WDFY2: variants seen among roughly 807,000 people sequenced by gnomAD.
WDFY2 encodes the protein WD repeat and FYVE domain containing 2, also known as WD repeat and FYVE domain-containing protein 2.
Under a neutral mutation model 56.4 loss-of-function variants are expected in WDFY2, and 36 were observed. That is an observed-to-expected ratio of 0.64 (90% CI 0.49 to 0.84). The LOEUF (loss-of-function observed/expected upper bound fraction) is 0.84. WDFY2 is among the 40% of genes least tolerant of loss of function. The probability of loss-of-function intolerance (pLI) is 0.00; values close to 1 mark genes in which losing one functional copy is unlikely to be tolerated. For synonymous variants in WDFY2, 176 were observed against 183.7 expected, an observed-to-expected ratio of 0.96 and a Z score of 0.34; for missense variants, 444 against 512.2, an observed-to-expected ratio of 0.87 and a Z score of 1.29.
chr13:51,614,266 G>T (rs1260603833), intron 1 of WDFY2, among the ~76,000 whole-genome samples: 1 of 152,008 alleles, frequency 6.6e-6, no homozygotes, highest in African/African-American at 2.4e-5. Context: ...TTCTTCAAGG[G>T]ATTATCTCAA....
rs894750105 is a variant in WDFY2 at position 51,762,556 on chromosome 13, G to A, written c.*2787G>A. The A allele has an allele frequency of 4.6e-5, 7 of 152,206 alleles. No individual in the cohort carries two copies. The highest frequency in any genetic ancestry group is 1.7e-4 in the African/African-American group (7 of 41,440). The allele number at this position is 152,206 out of a possible 1,614,324, so 9.4% of individuals were successfully genotyped here. Reference sequence around the variant, plus strand: ...TGTGAATTCTTGCGTTTTGCATTAAGTGTCTCCCCCATTTTTGTAATTTGT... The same window carrying A: ...TGTGAATTCTTGCGTTTTGCATTAAATGTCTCCCCCATTTTTGTAATTTGT... On this transcript the variant is annotated 3_prime_UTR_variant, in exon 12 of 12. Transcript: ENST00000298125.
intron 3 of WDFY2, among the ~76,000 whole-genome samples, chr13:51,678,144 CCT>C (rs1197304724): frequency 1.3e-5 from 2 of 152,076 alleles, no homozygotes; most frequent in African/African-American, 4.8e-5. Flanking sequence ...ATTCCTGAGC[CCT>C]ACCAATTGAA....
chr13:51,673,009 C>G (rs372911462), intron 2 of WDFY2, among the ~76,000 whole-genome samples: 1 of 152,204 alleles, frequency 6.6e-6, no homozygotes, highest in South Asian at 2.1e-4. Context: ...GTGAAATTGT[C>G]TTACAGTTCC....
At chr13:51,686,380 A>T (rs1405380907) in intron 3 of WDFY2, among the ~76,000 whole-genome samples, 1 of 152,166 alleles carries the variant, frequency 6.6e-6, no homozygotes, top group African/African-American at 2.4e-5. Context: ...GGCAGAAATT[A>T]TATTCATTTC....
chr13:51,734,527 A>C (rs181933451), intron 6 of WDFY2, among the ~76,000 whole-genome samples: 1 of 152,198 alleles, frequency 6.6e-6, no homozygotes, highest in Non-Finnish European at 1.5e-5. Context: ...TATTTTAAAA[A>C]TATTTTGGCG....
At position 51,750,629 on chromosome 13, in the gene WDFY2, A is replaced by T. The variant is rs747620769; in HGVS notation, c.726-681A>T. Among the ~76,000 whole-genome samples the T allele has an allele frequency of 2.0e-5, 3 of 152,140 alleles. No individual in the cohort carries two copies. The South Asian group carries it at 6.2e-4, about 32-fold the overall frequency. ...TAATCCATTGCTAGCAATCACTCAGACCATAAAACTAGATTCTCCATCATT... is the reference window on the plus strand; with the variant it reads ...TAATCCATTGCTAGCAATCACTCAGTCCATAAAACTAGATTCTCCATCATT... On this transcript the variant is annotated intron_variant, in intron 7 of 11. Coordinates refer to ENST00000298125, the MANE Select transcript of WDFY2 (RefSeq NM_052950.4).
At chr13:51,710,615 A>G (rs1442077128) in intron 4 of WDFY2, among the ~76,000 whole-genome samples, 3 of 152,224 alleles carry the variant, frequency 2.0e-5, no homozygotes, top group African/African-American at 7.2e-5. Context: ...TAAATGTGCA[A>G]AAATCACAAG....
At chr13:51,624,296 C>G (rs1954798473) in intron 1 of WDFY2, among the ~76,000 whole-genome samples, 1 of 152,260 alleles carries the variant, frequency 6.6e-6, no homozygotes, top group South Asian at 2.1e-4. Context: ...TTAACTGCCC[C>G]CAAGAACTGT....
intron 3 of WDFY2, among the ~76,000 whole-genome samples, chr13:51,688,811 G>A (rs1956102816): frequency 6.6e-6 from 1 of 152,200 alleles, no homozygotes; most frequent in South Asian, 2.1e-4. Flanking sequence ...CAAAAGTTTT[G>A]AGCTATTTTT....
chr13:51,709,453 G>A (rs76746890), intron 4 of WDFY2, among the ~76,000 whole-genome samples: 1,531 of 152,048 alleles, frequency 0.01, 17 homozygotes, highest in South Asian at 0.051. Context: ...TGAAGCCTGG[G>A]GAACATAGCA....
chr13:51,622,188 G>T (rs1047256135), intron 1 of WDFY2, among the ~76,000 whole-genome samples: 2 of 152,174 alleles, frequency 1.3e-5, no homozygotes, highest in Non-Finnish European at 2.9e-5. Flanking sequence ...TGTGCCAACC[G>T]TGCTAAGCTT....
At chr13:51,751,986 G>A (rs1953248709) in intron 8 of WDFY2, among the ~76,000 whole-genome samples, 1 of 152,070 alleles carries the variant, frequency 6.6e-6, no homozygotes, top group Non-Finnish European at 1.5e-5. Flanking sequence ...TATGTTTCCT[G>A]CATATCTCTT....
Position 51,641,825 on chromosome 13 carries a change from CAAAAAAAAAAA to C in WDFY2, c.138-18752_138-18742del, listed in dbSNP as rs750489541. 6.4e-4 allele frequency among the ~76,000 whole-genome samples: 24 copies of C among 37,424 alleles called. 1 individual carries two copies. The highest frequency in any genetic ancestry group is 5.8e-3 in the South Asian group (4 of 690). The allele number at this position is 37,424 out of a possible 152,430, so 24.6% of individuals were successfully genotyped here. ...TGGGCGACAGAGCGAGACTCCGTCT[CAAAAAAAAAAA>C]AAAAAAAAAAAAAAAAAATATTTTG... On this transcript the variant is annotated intron_variant, in intron 1 of 11. Transcript: ENST00000298125.
chr13:51,719,802 G>A (rs555999902), intron 5 of WDFY2, among the ~76,000 whole-genome samples: 3 of 152,180 alleles, frequency 2.0e-5, no homozygotes, highest in Non-Finnish European at 1.5e-5. Context: ...TTATTGAGAG[G>A]TTACCATGCC....
In WDFY2 at chr13:51,584,780, G is replaced by A. The variant is rs1177969650; in HGVS notation, c.93G>A (p.Val31=). ...EGSQEVVNMA[V]IVPKEEGVIS... is the part of the protein sequence containing the mutation. ...CCCAGGAGGTGGTGAATATGGCCGTGATCGTGCCCAAAGAGGAGGGCGTCA... is the reference window on the plus strand; with the variant it reads ...CCCAGGAGGTGGTGAATATGGCCGTAATCGTGCCCAAAGAGGAGGGCGTCA... The change falls in exon 1 of 12, where the codon GTG becomes GTA. Residue 31 remains valine, a synonymous_variant. Coordinates refer to ENST00000298125, the MANE Select transcript of WDFY2 (RefSeq NM_052950.4). The A allele has an allele frequency of 6.2e-7, 1 of 1,613,970 alleles. No individual in the cohort carries two copies. Among genetic ancestry groups the A allele is most frequent in the Non-Finnish European group, 8.5e-7 (1 of 1,179,842 alleles).
At chr13:51,629,238 C>T (rs1954901820) in intron 1 of WDFY2, among the ~76,000 whole-genome samples, 1 of 152,186 alleles carries the variant, frequency 6.6e-6, no homozygotes. Flanking sequence ...CCCTAGCCTG[C>T]TTTGGTCTCT....
chr13:51,653,069 C>T (rs903079380), intron 1 of WDFY2, among the ~76,000 whole-genome samples: 2 of 152,200 alleles, frequency 1.3e-5, no homozygotes, highest in Non-Finnish European at 2.9e-5. Flanking sequence ...GGTCTTTTCA[C>T]ATAGTCCCAT....
intron 1 of WDFY2, among the ~76,000 whole-genome samples, chr13:51,601,401 A>G (rs1158032371): frequency 6.6e-6 from 1 of 151,208 alleles, no homozygotes; most frequent in African/African-American, 2.4e-5. Context: ...AAATGATTGT[A>G]TGAAGTTAGT....
At position 51,751,434 on chromosome 13, in the gene WDFY2, T is replaced by TG. The variant is rs769648446; in HGVS notation, c.831+23dup. The TG allele has an allele frequency of 1.2e-6, 2 of 1,608,050 alleles. No homozygotes were observed. The highest frequency in any genetic ancestry group is 4.5e-5 in the East Asian group (2 of 44,828). Reference sequence around the variant, plus strand: ...GCAGGAGGTAGGTGGCACAGCAGGGTGGGGTGGGCCCTGTGGTTCTGGCCC... The same window carrying TG: ...GCAGGAGGTAGGTGGCACAGCAGGGTGGGGGTGGGCCCTGTGGTTCTGGCCC... On this transcript the variant is annotated intron_variant, in intron 8 of 11. Transcript: ENST00000298125.
Sources: allele counts gnomAD v4.1 joint callset (sites outside exome capture counted in the v4.1 genomes callset), GRCh38; gene constraint gnomAD v4.1.1; transcripts MANE v1.5; gene names NCBI Gene and HGNC (gene_info 2026-07-23, HGNC 2026-07-21).